APBB2: variants seen among roughly 807,000 people sequenced by gnomAD.
The protein encoded by APBB2 is Fe65-like 1.
APBB2 carries 38 observed loss-of-function variants against 82.5 expected under a neutral mutation model. The observed-to-expected ratio is 0.46, with a 90% CI of 0.36 to 0.60. The LOEUF (loss-of-function observed/expected upper bound fraction) is 0.60, where lower values mean the gene tolerates loss of function less well. APBB2 is among the 20% of genes least tolerant of loss of function. The pLI is 0.00. For synonymous variants in APBB2, 341 were observed against 368.2 expected, an observed-to-expected ratio of 0.93 and a Z score of 0.85; for missense variants, 772 against 972.3, an observed-to-expected ratio of 0.79 and a Z score of 2.74.
intron 10 of APBB2, among the ~76,000 whole-genome samples, chr4:40,930,623 T>G (rs1429954297): frequency 2.0e-5 from 3 of 152,156 alleles, no homozygotes; most frequent in African/African-American, 4.8e-5. Flanking sequence ...AAAAATAATT[T>G]TTATTTTTTT....
intron 3 of APBB2, among the ~76,000 whole-genome samples, chr4:41,082,209 T>C (rs1737891393): frequency 6.6e-6 from 1 of 152,226 alleles, no homozygotes; most frequent in Non-Finnish European, 1.5e-5. Flanking sequence ...CCACACCTCA[T>C]AACTTAAAAG....
At chr4:40,952,708 C>T (rs61427887) in intron 6 of APBB2, among the ~76,000 whole-genome samples, 3,648 of 152,288 alleles carry the variant, frequency 0.024, 148 homozygotes, top group African/African-American at 0.082. Flanking sequence ...ATTTAATGCT[C>T]ACATCAATCC....
chr4:41,060,330 C>T (rs1158448842), intron 4 of APBB2, among the ~76,000 whole-genome samples: 1 of 152,194 alleles, frequency 6.6e-6, no homozygotes, highest in Non-Finnish European at 1.5e-5. Flanking sequence ...TTGTAATATG[C>T]AAAGAATTTC....
At chr4:40,883,939 T>C (rs927715621) in intron 12 of APBB2, among the ~76,000 whole-genome samples, 2 of 152,202 alleles carry the variant, frequency 1.3e-5, no homozygotes, top group South Asian at 2.1e-4. Context: ...CTCAGGAACA[T>C]GGTGTGTCCA....
chr4:41,081,527 T>C (rs181086870), intron 3 of APBB2, among the ~76,000 whole-genome samples: 197 of 152,340 alleles, frequency 1.3e-3, no homozygotes, highest in Middle Eastern at 6.8e-3. Flanking sequence ...CCTTTAATGC[T>C]AGAACCATAA....
chr4:40,844,346 G>A (rs1056761284), intron 12 of APBB2, among the ~76,000 whole-genome samples: 2 of 152,178 alleles, frequency 1.3e-5, no homozygotes, highest in African/African-American at 2.4e-5. Context: ...TAATGCTCAG[G>A]GGCATTATAA....
intron 11 of APBB2, among the ~76,000 whole-genome samples, chr4:40,892,190 A>G (rs1772239216): frequency 6.6e-6 from 1 of 152,232 alleles, no homozygotes; most frequent in African/African-American, 2.4e-5. Flanking sequence ...AGCTCAGGTG[A>G]TCCACCTGCC....
intron 2 of APBB2, among the ~76,000 whole-genome samples, chr4:41,110,787 C>A (rs1450173657): frequency 1.3e-5 from 2 of 152,254 alleles, no homozygotes; most frequent in Admixed American, 6.5e-5. Context: ...GGTCCCCAAC[C>A]TTTTTGGCAC....
chr4:40,858,609 C>A (rs1428975727), intron 12 of APBB2, among the ~76,000 whole-genome samples: 1 of 152,024 alleles, frequency 6.6e-6, no homozygotes, highest in African/African-American at 2.4e-5. Flanking sequence ...AACTATAGGT[C>A]TTGTTTGGGT....
intron 10 of APBB2, 90 bp downstream of exon 10, chr4:40,934,366 T>A: frequency 7.7e-7 from 1 of 1,293,262 alleles, no homozygotes; most frequent in South Asian, 1.2e-5. Flanking sequence ...TGGCTCTGGG[T>A]TGATGGTTTG....
chr4:40,871,346 C>T lies in APBB2; in HGVS notation c.1529+19018G>A, dbSNP rs535821832. Among the ~76,000 whole-genome samples the T allele has an allele frequency of 3.3e-5, 5 of 152,000 alleles. No individual in the cohort carries two copies. The East Asian group carries it at 7.8e-4, about 24-fold the overall frequency. ...TCTTAGTAGAGACGGGGTTTTGCCA[C>T]GTTGGCCAGGCTGGTCTCGAACTCC... On this transcript the variant is annotated intron_variant, in intron 12 of 17. Transcript: ENST00000508593.
intron 2 of APBB2, among the ~76,000 whole-genome samples, chr4:41,135,457 C>A (rs1757306158): frequency 6.6e-6 from 1 of 152,224 alleles, no homozygotes; most frequent in South Asian, 2.1e-4. Flanking sequence ...GATCAATGAT[C>A]AATGCTTATT....
intron 12 of APBB2, among the ~76,000 whole-genome samples, chr4:40,872,136 C>T (rs1178815918): frequency 1.3e-5 from 2 of 152,216 alleles, no homozygotes; most frequent in African/African-American, 4.8e-5. Context: ...GTTCAGTCAG[C>T]GCATCTTTTC....
At chr4:40,860,491 G>T (rs1006496049) in intron 12 of APBB2, among the ~76,000 whole-genome samples, 37 of 152,198 alleles carry the variant, frequency 2.4e-4, no homozygotes, top group African/African-American at 7.2e-4. Context: ...ACACCGTGGG[G>T]AGAGGACAAC....
intron 1 of APBB2, among the ~76,000 whole-genome samples, chr4:41,156,005 A>AT (rs1379670755): frequency 1.4e-5 from 2 of 140,446 alleles, no homozygotes; most frequent in African/African-American, 5.7e-5. Context: ...CACAAGTATT[A>AT]TAACAACATT....
intron 1 of APBB2, among the ~76,000 whole-genome samples, chr4:41,180,445 A>AAAAC (rs1230270843): frequency 6.6e-6 from 1 of 152,160 alleles, no homozygotes; most frequent in Non-Finnish European, 1.5e-5. Context: ...TTTCTGCAAA[A>AAAAC]AAACAAACAA....
intron 1 of APBB2, among the ~76,000 whole-genome samples, chr4:41,180,913 G>A (rs1771153815): frequency 6.7e-6 from 1 of 149,594 alleles, no homozygotes; most frequent in Non-Finnish European, 1.5e-5. Context: ...TGAACTCAGT[G>A]GAGAAGAATG....
chr4:40,950,345 C>T (rs1020712981), intron 6 of APBB2, among the ~76,000 whole-genome samples: 7 of 152,310 alleles, frequency 4.6e-5, no homozygotes, highest in Admixed American at 3.9e-4. Flanking sequence ...TCGGTATGTG[C>T]ACCAGGTAAC....
chr4:40,822,222 A>G (rs1478847094), intron 16 of APBB2, 172 bp from the exon 17 acceptor site: 7 of 666,604 alleles, frequency 1.1e-5, no homozygotes, highest in Non-Finnish European at 1.5e-5. Context: ...CCATCACTGC[A>G]TGGCTACCCT....
Sources: gnomAD v4.1 joint callset for allele counts (sites outside exome capture counted in the v4.1 genomes callset) on GRCh38, gnomAD v4.1.1 for gene constraint, MANE v1.5 for transcripts, NCBI Gene and HGNC (gene_info 2026-07-23, HGNC 2026-07-21) for gene names.